The following TUSC3 variants were observed in gnomAD, a reference collection of about 807,000 sequenced individuals.
The protein encoded by TUSC3 is dolichyl-diphosphooligosaccharide--protein glycosyltransferase subunit TUSC3.
In TUSC3, 45 loss-of-function variants were observed where a neutral mutation model predicts 44.8. That is an observed-to-expected ratio of 1.00 (90% CI 0.79 to 1.29). The LOEUF (loss-of-function observed/expected upper bound fraction) is 1.29. TUSC3 is among the 50% of genes most tolerant of loss of function. The probability of loss-of-function intolerance (pLI) is 0.00; values close to 1 mark genes in which losing one functional copy is unlikely to be tolerated. For synonymous variants in TUSC3, 212 were observed against 152.9 expected, an observed-to-expected ratio of 1.39 and a Z score of -2.85; for missense variants, 519 against 437.9, an observed-to-expected ratio of 1.19 and a Z score of -1.65.
At chr8:15,575,775 T>C (rs1369356195) in intron 1 of TUSC3, among the ~76,000 whole-genome samples, 1 of 152,076 alleles carries the variant, frequency 6.6e-6, no homozygotes, top group Non-Finnish European at 1.5e-5. Flanking sequence ...TTAAAATAAA[T>C]AAATAAATTC....
intron 1 of TUSC3, among the ~76,000 whole-genome samples, chr8:15,607,309 CAG>C (rs1563130622): frequency 2.6e-5 from 4 of 152,098 alleles, no homozygotes; most frequent in Admixed American, 1.3e-4. Flanking sequence ...ATGGTAGAGA[CAG>C]TTCTAGGCTC....
intron 3 of TUSC3, among the ~76,000 whole-genome samples, chr8:15,652,582 A>G (rs1806961067): frequency 1.3e-5 from 2 of 152,174 alleles, no homozygotes; most frequent in Admixed American, 1.3e-4. Context: ...GATAATAGTA[A>G]TAATAGTATC....
rs1342902607 is a variant in TUSC3, at chr8:15,469,017, C to T, written n.92-14369C>T. ...TTAATGAAGGTAAAGGCATGCCACA[C>T]AAATTCTCTCAGAACGCAGAGGGGA... On this transcript the variant is annotated intron_variant and non_coding_transcript_variant, in intron 1 of 5. Transcript: ENST00000503191. 3.3e-5 allele frequency among the ~76,000 whole-genome samples: 5 copies of T among 151,714 alleles called. No individual in the cohort carries two copies. In the East Asian group the frequency reaches 9.7e-4, roughly 30 times the overall value.
chr8:15,616,975 C>T (rs116240739), intron 1 of TUSC3, among the ~76,000 whole-genome samples: 27 of 152,182 alleles, frequency 1.8e-4, no homozygotes, highest in Non-Finnish European at 3.2e-4. Flanking sequence ...TGATCAGAGG[C>T]GCTGCTTGCT....
At position 15,427,641 on chromosome 8, in the gene TUSC3, T is replaced by A. The variant is rs534006236; in HGVS notation, n.91+10336T>A. Among the ~76,000 whole-genome samples, 4 of 152,158 alleles carry A rather than the reference T, an allele frequency of 2.6e-5. No homozygotes were observed. The South Asian group carries it at 8.3e-4, about 32-fold the overall frequency. ...CGCTGTAAAGATTTTTAATAAACTT[T>A]CACTTCTTCTCTAAAACTTGCCTTG... On this transcript the variant is annotated intron_variant and non_coding_transcript_variant, in intron 1 of 5. Transcript: ENST00000503191.
chr8:15,492,362 C>A (rs1356135656), intron 2 of TUSC3, among the ~76,000 whole-genome samples: 1 of 152,152 alleles, frequency 6.6e-6, no homozygotes, highest in African/African-American at 2.4e-5. Flanking sequence ...GTATTAATAT[C>A]ATTCCCACTT....
At chr8:15,763,430 A>G (rs1358074044) in intron 10 of TUSC3, among the ~76,000 whole-genome samples, 3 of 151,706 alleles carry the variant, frequency 2.0e-5, no homozygotes, top group Admixed American at 6.6e-5. Flanking sequence ...TAAGTACAAG[A>G]ACTATTAATT....
chr8:15,819,906 T>C, the TUSC3 span, among the ~76,000 whole-genome samples: 1 of 152,170 alleles, frequency 6.6e-6, no homozygotes, highest in Non-Finnish European at 1.5e-5. Flanking sequence ...TATTATATGT[T>C]TTTCAAACAT....
chr8:15,762,628 A>C (rs1164777480), intron 10 of TUSC3, among the ~76,000 whole-genome samples: 2 of 152,126 alleles, frequency 1.3e-5, no homozygotes, highest in African/African-American at 4.8e-5. Flanking sequence ...AACACTAAAC[A>C]ACAAAAAGCT....
In TUSC3 at chr8:15,559,737, G is replaced by C. The variant is rs1312753930; in HGVS notation, c.138+19169G>C. Among the ~76,000 whole-genome samples, 16 of 121,680 alleles carry C rather than the reference G, an allele frequency of 1.3e-4. 4 individuals are homozygous for C. The highest frequency in any genetic ancestry group is 8.9e-5 in the Non-Finnish European group (5 of 56,478). 79.8% of individuals were successfully genotyped at this position (121,680 alleles called of 152,430 possible). A position where few individuals can be genotyped will look rare whatever the true frequency, so the allele number is the denominator to read the frequency against. On this transcript the variant is annotated intron_variant, in intron 1 of 10. Coordinates refer to ENST00000503731, the MANE Select transcript of TUSC3 (RefSeq NM_006765.4). ...GATAGTTAGCTCTTCTTGTTGAATT[G>C]ATCCCTTTACCATTATGTAATGGCC... is the stretch of plus-strand genomic sequence containing the variant.
intron 6 of TUSC3, among the ~76,000 whole-genome samples, chr8:15,725,235 G>A (rs1457079566): frequency 6.6e-6 from 1 of 151,986 alleles, no homozygotes; most frequent in Non-Finnish European, 1.5e-5. Context: ...TTAACCCTGT[G>A]TATTATTGTC....
At chr8:15,736,756 G>C (rs942203436) in intron 7 of TUSC3, among the ~76,000 whole-genome samples, 3 of 152,064 alleles carry the variant, frequency 2.0e-5, no homozygotes, top group African/African-American at 7.2e-5. Flanking sequence ...TCCAGGAGGG[G>C]CAGAACTATG....
Position 15,601,584 on chromosome 8 carries a change from A to G in TUSC3, c.139-21496A>G, listed in dbSNP as rs1260986583. Reference sequence around the variant, plus strand: ...CAGGGGTAGAAACTGGGTTACTTCCATAATTATTTATATTTAAATTTGTTA... The same window carrying G: ...CAGGGGTAGAAACTGGGTTACTTCCGTAATTATTTATATTTAAATTTGTTA... On this transcript the variant is annotated intron_variant, in intron 1 of 10. Transcript: ENST00000503731. Among the ~76,000 whole-genome samples, 3 of 151,872 alleles carry G rather than the reference A, an allele frequency of 2.0e-5. No individual in the cohort carries two copies. In the Admixed American group the frequency reaches 2.0e-4, roughly 10 times the overall value.
At chr8:15,496,494 G>T (rs991923813) in intron 2 of TUSC3, among the ~76,000 whole-genome samples, 10 of 152,174 alleles carry the variant, frequency 6.6e-5, no homozygotes, top group Non-Finnish European at 1.3e-4. Flanking sequence ...CACCCTCTGA[G>T]TTCAACCCCT....
the TUSC3 span, among the ~76,000 whole-genome samples, chr8:15,843,613 T>C: frequency 0.09 from 12,911 of 143,208 alleles, 748 homozygotes; most frequent in Middle Eastern, 0.19. Flanking sequence ...TATATATATA[T>C]ATATATATAC....
chr8:15,771,905 G>A, the TUSC3 span, among the ~76,000 whole-genome samples: 2 of 151,996 alleles, frequency 1.3e-5, no homozygotes, highest in African/African-American at 4.8e-5. Flanking sequence ...TGGCTAACAC[G>A]GTGAAACCCC....
chr8:15,482,511 A>G (rs73665417), intron 1 of TUSC3, among the ~76,000 whole-genome samples: 8,296 of 152,288 alleles, frequency 0.054, 315 homozygotes, highest in South Asian at 0.15. Flanking sequence ...CTGCTTAGAA[A>G]AGAAAGATTC....
chr8:15,470,092 C>G (rs532585827), intron 1 of TUSC3, among the ~76,000 whole-genome samples: 3 of 139,568 alleles, frequency 2.1e-5, no homozygotes, highest in South Asian at 2.3e-4. Context: ...CTCGTCCCTA[C>G]AAAAAAAATT....
In TUSC3 at chr8:15,750,965, G is replaced by A. The variant is rs352787; in HGVS notation, c.1028+2500G>A. On this transcript the variant is annotated intron_variant, in intron 9 of 10. Coordinates refer to ENST00000503731, the MANE Select transcript of TUSC3 (RefSeq NM_006765.4). ...GAGGAGCTGCCAAGAAACAGAATCA[G>A]AAGAGAGCCTATCAAAGAAGCTTGG... Among the ~76,000 whole-genome samples, 898 of 152,138 alleles carry A rather than the reference G, an allele frequency of 5.9e-3. 9 individuals carry two copies. The highest frequency in any genetic ancestry group is 0.02 in the African/African-American group (839 of 41,420).
Sources: gnomAD v4.1 joint callset for allele counts (sites outside exome capture counted in the v4.1 genomes callset) on GRCh38, gnomAD v4.1.1 for gene constraint, MANE v1.5 for transcripts, NCBI Gene and HGNC (gene_info 2026-07-23, HGNC 2026-07-21) for gene names.